DPP10: variants seen among roughly 807,000 people sequenced by gnomAD.
DPP10 encodes the protein dipeptidyl peptidase like 10.
DPP10 carries 33 observed loss-of-function variants against 120.9 expected under a neutral mutation model. The observed-to-expected ratio is 0.27, with a 90% CI of 0.21 to 0.37. DPP10 has a LOEUF of 0.37. DPP10 is among the 10% of genes least tolerant of loss of function. DPP10 has a pLI of 1.00. For missense variants in DPP10, 816 were observed against 942.8 expected (o/e 0.87, Z 1.76); for synonymous variants, 337 against 326.1 (o/e 1.03, Z -0.36).
chr2:115,369,997 GA>G (rs1232173662), intron 3 of DPP10, among the ~76,000 whole-genome samples: 1 of 152,084 alleles, frequency 6.6e-6, no homozygotes, highest in Non-Finnish European at 1.5e-5. Context: ...GGGTTCTAAA[GA>G]CATGTCTGTG....
chr2:115,769,745 T>C (rs1254218916), intron 13 of DPP10, among the ~76,000 whole-genome samples: 1 of 151,966 alleles, frequency 6.6e-6, no homozygotes, highest in East Asian at 1.9e-4. Flanking sequence ...CAGGTATAAT[T>C]AAGGGAACTT....
At chr2:115,709,203 G>A (rs114542095) in intron 7 of DPP10, among the ~76,000 whole-genome samples, 1,679 of 152,180 alleles carry the variant, frequency 0.011, 20 homozygotes, top group South Asian at 0.028. Flanking sequence ...GGCAGAGTGT[G>A]GGTATCAAGT....
chr2:114,599,195 T>C (rs545740703), intron 1 of DPP10, among the ~76,000 whole-genome samples: 2 of 151,974 alleles, frequency 1.3e-5, no homozygotes, highest in East Asian at 3.9e-4. Context: ...GTCAAAAAGA[T>C]AATCTAAAGA....
intron 1 of DPP10, among the ~76,000 whole-genome samples, chr2:114,907,182 T>G (rs1171461772): frequency 6.6e-6 from 1 of 152,080 alleles, no homozygotes; most frequent in Non-Finnish European, 1.5e-5. Flanking sequence ...ATTTTAGCAA[T>G]GTAAGTCTTC....
chr2:115,322,012 A>G (rs1191330294), intron 2 of DPP10, among the ~76,000 whole-genome samples: 1 of 152,170 alleles, frequency 6.6e-6, no homozygotes, highest in Non-Finnish European at 1.5e-5. Flanking sequence ...ATTTAAAGTC[A>G]TTCTCTATTG....
intron 17 of DPP10, among the ~76,000 whole-genome samples, chr2:115,788,250 G>T (rs1683558354): frequency 6.6e-6 from 1 of 151,996 alleles, no homozygotes; most frequent in South Asian, 2.1e-4. Flanking sequence ...CAATTTAGGG[G>T]TTACTACAGT....
chr2:114,509,825 T>C (rs1451311867), intron 1 of DPP10, among the ~76,000 whole-genome samples: 2 of 152,210 alleles, frequency 1.3e-5, no homozygotes, highest in East Asian at 1.9e-4. Context: ...TATGGTCCTA[T>C]AAGGACTATA....
At chr2:115,750,182 T>C in intron 10 of DPP10, 2 of 985,084 alleles carry the variant, frequency 2.0e-6, no homozygotes, top group Non-Finnish European at 2.4e-6. Flanking sequence ...CCAACGAGTG[T>C]GACATTTCCA....
At chr2:115,057,636 T>C (rs1229575024) in intron 1 of DPP10, among the ~76,000 whole-genome samples, 1 of 152,210 alleles carries the variant, frequency 6.6e-6, no homozygotes, top group African/African-American at 2.4e-5. Context: ...TAAATGTGCA[T>C]GTGTTAGCAA....
At chr2:115,122,698 C>G (rs375435010) in intron 1 of DPP10, among the ~76,000 whole-genome samples, 7 of 152,336 alleles carry the variant, frequency 4.6e-5, no homozygotes, top group African/African-American at 1.4e-4. Context: ...AGAATACAGA[C>G]AGACAAAACA....
chr2:115,473,323 A>G (rs2074853898), intron 3 of DPP10, among the ~76,000 whole-genome samples: 1 of 152,182 alleles, frequency 6.6e-6, no homozygotes, highest in African/African-American at 2.4e-5. Flanking sequence ...TCAACTTGCC[A>G]TCATTGGGAC....
chr2:114,827,149 T>C (rs1185079047), intron 1 of DPP10, among the ~76,000 whole-genome samples: 1 of 152,108 alleles, frequency 6.6e-6, no homozygotes, highest in African/African-American at 2.4e-5. Context: ...TTATGGGAGT[T>C]TGCAGATACT....
intron 1 of DPP10, among the ~76,000 whole-genome samples, chr2:114,755,081 G>A (rs1464202925): frequency 6.6e-6 from 1 of 152,146 alleles, no homozygotes; most frequent in Non-Finnish European, 1.5e-5. Context: ...CTTTTCTTAT[G>A]ACTAATAGCT....
At chr2:115,768,144 AT>A (rs1476442149) in intron 12 of DPP10, among the ~76,000 whole-genome samples, 152 bp from the exon 13 acceptor site, 1 of 152,226 alleles carries the variant, frequency 6.6e-6, no homozygotes, top group African/African-American at 2.4e-5. Flanking sequence ...AGTTTAAAAA[AT>A]AGCATACATT....
At chr2:114,670,172 A>G (rs1222309302) in intron 1 of DPP10, among the ~76,000 whole-genome samples, 1 of 152,184 alleles carries the variant, frequency 6.6e-6, no homozygotes, top group African/African-American at 2.4e-5. Context: ...ATTACTGGGT[A>G]TATACCCAAA....
At chr2:115,659,157 C>G in intron 5 of DPP10, among the ~76,000 whole-genome samples, 1 of 152,098 alleles carries the variant, frequency 6.6e-6, no homozygotes, top group Non-Finnish European at 1.5e-5. Flanking sequence ...CCACCTAAAG[C>G]CAGGAGATGA....
intron 1 of DPP10, among the ~76,000 whole-genome samples, chr2:115,001,013 C>A (rs988615820): frequency 6.6e-6 from 1 of 152,122 alleles, no homozygotes; most frequent in Non-Finnish European, 1.5e-5. Context: ...GTATCTACAA[C>A]ATTTGTGAGC....
In DPP10 at chr2:115,314,249, T is replaced by C. The variant is rs532093546; in HGVS notation, c.175+4896T>C. 4.6e-5 allele frequency among the ~76,000 whole-genome samples: 7 copies of C among 152,310 alleles called. No homozygotes were observed. The South Asian group carries it at 1.5e-3, about 32-fold the overall frequency. ...GAAATAGCCACCTGCGAACTGTGTA[T>C]ACTCCACAGTTCTTCAGCAACAATG... On this transcript the variant is annotated intron_variant, in intron 2 of 25. Coordinates refer to ENST00000410059, the MANE Select transcript of DPP10 (RefSeq NM_020868.6).
At chr2:115,691,221 T>C (rs1204734624) in intron 7 of DPP10, among the ~76,000 whole-genome samples, 1 of 152,118 alleles carries the variant, frequency 6.6e-6, no homozygotes, top group Non-Finnish European at 1.5e-5. Flanking sequence ...TCTTAATGGA[T>C]CCATTTCTAC....
Sources: allele counts gnomAD v4.1 joint callset (sites outside exome capture counted in the v4.1 genomes callset), GRCh38; gene constraint gnomAD v4.1.1; transcripts MANE v1.5; gene names NCBI Gene and HGNC (gene_info 2026-07-23, HGNC 2026-07-21).